KLHL32: variants seen among roughly 807,000 people sequenced by gnomAD.
The protein encoded by KLHL32 is kelch like family member 32.
KLHL32 carries 35 observed loss-of-function variants against 64.8 expected under a neutral mutation model. The observed-to-expected ratio is 0.54, with a 90% CI of 0.41 to 0.72. The LOEUF (loss-of-function observed/expected upper bound fraction) is 0.72, where lower values mean the gene tolerates loss of function less well. Ranked by LOEUF, KLHL32 falls within the 30% of genes least tolerant of loss-of-function variation. KLHL32 has a pLI of 0.00. For synonymous variants in KLHL32, 259 were observed against 281.0 expected (o/e 0.92, Z 0.78); for missense variants, 589 against 768.5 (o/e 0.77, Z 2.76).
Position 97,017,042 on chromosome 6 carries a change from G to T in KLHL32, c.205-24450G>T, listed in dbSNP as rs140769507. ...AACCTCTTCCTTTATAAATTACCCA[G>T]TCTCAGGTATTTCTTTATAGCAGTG... On this transcript the variant is annotated intron_variant, in intron 3 of 10. Transcript: ENST00000369261. 1.4e-4 allele frequency among the ~76,000 whole-genome samples: 22 copies of T among 152,246 alleles called. 1 individual carries two copies. In the East Asian group the frequency reaches 3.5e-3, roughly 24 times the overall value.
intron 6 of KLHL32, among the ~76,000 whole-genome samples, chr6:97,091,884 G>A (rs1371807587): frequency 6.6e-6 from 1 of 151,822 alleles, no homozygotes; most frequent in African/African-American, 2.4e-5. Context: ...TTTGGACCTT[G>A]GTAACTAGAA....
At chr6:96,930,372 T>G (rs1769710455) in intron 1 of KLHL32, among the ~76,000 whole-genome samples, 1 of 152,216 alleles carries the variant, frequency 6.6e-6, no homozygotes, top group African/African-American at 2.4e-5. Flanking sequence ...CTGATACTTC[T>G]TGGTTCTGTG....
chr6:97,035,850 A>G (rs1458042893), intron 3 of KLHL32, among the ~76,000 whole-genome samples: 1 of 152,116 alleles, frequency 6.6e-6, no homozygotes. Flanking sequence ...TTTGGGGTTA[A>G]TCAATCTGGA....
chr6:97,006,283 T>C (rs1318370827), intron 3 of KLHL32, among the ~76,000 whole-genome samples: 1 of 152,070 alleles, frequency 6.6e-6, no homozygotes, highest in African/African-American at 2.4e-5. Flanking sequence ...CTTTTTAAAT[T>C]GTTGTTGTTG....
At chr6:97,097,045 C>G (rs1380085502) in intron 6 of KLHL32, among the ~76,000 whole-genome samples, 1 of 152,142 alleles carries the variant, frequency 6.6e-6, no homozygotes, top group East Asian at 1.9e-4. Flanking sequence ...ATAACCCTAC[C>G]TGTGTTTTAT....
intron 4 of KLHL32, among the ~76,000 whole-genome samples, chr6:97,050,164 C>T (rs1282376685): frequency 6.6e-6 from 1 of 152,166 alleles, no homozygotes; most frequent in African/African-American, 2.4e-5. Flanking sequence ...GATCAGCTTT[C>T]CAATTCAGTA....
chr6:96,953,018 C>A (rs1029108109), intron 1 of KLHL32, among the ~76,000 whole-genome samples: 1 of 152,108 alleles, frequency 6.6e-6, no homozygotes, highest in African/African-American at 2.4e-5. Flanking sequence ...CCATAAAAAC[C>A]CTAGCCTCTG....
At chr6:96,937,951 A>G (rs1298380540) in intron 1 of KLHL32, among the ~76,000 whole-genome samples, 1 of 152,118 alleles carries the variant, frequency 6.6e-6, no homozygotes, top group East Asian at 1.9e-4. Flanking sequence ...TTCTTCCCCA[A>G]TGTGAACCGT....
intron 2 of KLHL32, among the ~76,000 whole-genome samples, chr6:96,969,475 T>A (rs555108604): frequency 1.3e-5 from 2 of 152,198 alleles, no homozygotes; most frequent in African/African-American, 2.4e-5. Flanking sequence ...ATTTCCTGTA[T>A]TTTTGATGCA....
chr6:96,950,616 G>A (rs1291115039), intron 1 of KLHL32, among the ~76,000 whole-genome samples: 2 of 123,606 alleles, frequency 1.6e-5, no homozygotes, highest in Non-Finnish European at 3.6e-5. Flanking sequence ...GAGTGAGTGA[G>A]TGAATGAGTG....
intron 1 of KLHL32, among the ~76,000 whole-genome samples, chr6:96,941,542 ATAT>A (rs747620028): frequency 1.4e-4 from 22 of 152,194 alleles, no homozygotes; most frequent in Non-Finnish European, 2.8e-4. Flanking sequence ...AGAAGCATTG[ATAT>A]TATTAAGCAG....
chr6:96,971,214 T>A (rs1307658764), intron 2 of KLHL32, among the ~76,000 whole-genome samples: 2 of 152,234 alleles, frequency 1.3e-5, no homozygotes, highest in African/African-American at 4.8e-5. Context: ...AGAAATTGAC[T>A]TGAATTTTAA....
intron 3 of KLHL32, among the ~76,000 whole-genome samples, chr6:97,040,524 GC>G (rs1156851995): frequency 6.6e-6 from 1 of 152,112 alleles, no homozygotes; most frequent in Non-Finnish European, 1.5e-5. Context: ...AGATTGCTGG[GC>G]CCTGCTTGGA....
chr6:97,037,512 A>C (rs1347228567), intron 3 of KLHL32, among the ~76,000 whole-genome samples: 3 of 152,154 alleles, frequency 2.0e-5, no homozygotes, highest in Admixed American at 2.0e-4. Context: ...GAAAACTATA[A>C]AACACTGATG....
At chr6:97,061,728 T>TG (rs1418991708) in intron 4 of KLHL32, among the ~76,000 whole-genome samples, 4 of 152,180 alleles carry the variant, frequency 2.6e-5, no homozygotes, top group Non-Finnish European at 5.9e-5. Context: ...TTGAGATCCC[T>TG]TTTTTTCTGC....
chr6:96,934,541 C>T (rs1770340197), intron 1 of KLHL32, among the ~76,000 whole-genome samples: 1 of 152,242 alleles, frequency 6.6e-6, no homozygotes, highest in African/African-American at 2.4e-5. Flanking sequence ...AAACAATTCT[C>T]TACCAACCAG....
Position 97,132,617 on chromosome 6 carries a change from A to AT in KLHL32, c.1607-28dup, listed in dbSNP as rs373674040. 480 of 1,480,154 alleles carry AT rather than the reference A, an allele frequency of 3.2e-4. 1 individual carries two copies. In the African/African-American group the frequency reaches 4.5e-3, roughly 14 times the overall value. 91.7% of individuals were successfully genotyped at this position (1,480,154 alleles called of 1,614,324 possible). A position where few individuals can be genotyped will look rare whatever the true frequency, so the allele number is the denominator to read the frequency against. On this transcript the variant is annotated intron_variant, in intron 9 of 10. Coordinates refer to ENST00000369261, the MANE Select transcript of KLHL32 (RefSeq NM_052904.4). ...GTTAATTAAAATATGTAAGAAATGG[A>AT]TTTTTTTTCTTTTTATTCAATTCTC...
chr6:96,968,538 G>A (rs1271741811), intron 2 of KLHL32, among the ~76,000 whole-genome samples: 2 of 152,128 alleles, frequency 1.3e-5, no homozygotes, highest in Non-Finnish European at 2.9e-5. Context: ...CTGGCTACCA[G>A]GATCAGTGTG....
chr6:97,098,288 A>G (rs780084203), intron 6 of KLHL32, among the ~76,000 whole-genome samples: 1 of 152,196 alleles, frequency 6.6e-6, no homozygotes, highest in Non-Finnish European at 1.5e-5. Context: ...TCTGTCTCCA[A>G]GCTATGCATA....
Sources: gnomAD v4.1 joint callset for allele counts (sites outside exome capture counted in the v4.1 genomes callset) on GRCh38, gnomAD v4.1.1 for gene constraint, MANE v1.5 for transcripts, NCBI Gene and HGNC (gene_info 2026-07-23, HGNC 2026-07-21) for gene names.